The following OTUD7B variants were observed in gnomAD, a reference collection of about 807,000 sequenced individuals.
The protein encoded by OTUD7B is OTU deubiquitinase 7B.
OTUD7B carries 34 observed loss-of-function variants against 82.2 expected under a neutral mutation model. That is an observed-to-expected ratio of 0.41 (90% confidence interval 0.31 to 0.55). OTUD7B has a LOEUF of 0.55. Among genes scored for constraint, OTUD7B ranks in the 20% least tolerant of loss-of-function variants. The probability of loss-of-function intolerance (pLI) is 0.20; values close to 1 mark genes in which losing one functional copy is unlikely to be tolerated. For missense variants in OTUD7B, 944 were observed against 1,062.1 expected (o/e 0.89, Z 1.55); for synonymous variants, 398 against 402.7 (o/e 0.99, Z 0.14).
intron 3 of OTUD7B, among the ~76,000 whole-genome samples, chr1:149,969,313 G>A (rs1463456978): frequency 3.9e-5 from 6 of 152,098 alleles, no homozygotes; most frequent in Admixed American, 1.3e-4. Context: ...GACAGAGCAA[G>A]ACCCTGCCTC....
rs781899205 is a variant in OTUD7B at position 149,950,163 on chromosome 1, G to A, written c.904C>T (p.Leu302Phe). Residue 302 changes from leucine to phenylalanine, a missense_variant, in exon 8 of 12, where the codon CTT becomes TTT. By Grantham distance (22) the Leu-to-Phe change is conservative. Transcript: ENST00000581312. ...ATGGGCCTCCTAAGCACATGAGCAA[G>A]GACAAAGACGTGAAACTCTTCAAGG... ...ESLEEFHVFVLAHVLRRPIVV... is the reference protein window; with the variant it reads ...ESLEEFHVFVFAHVLRRPIVV... 2 of 1,614,142 alleles carry A rather than the reference G, an allele frequency of 1.2e-6. No individual in the cohort carries two copies. The highest frequency in any genetic ancestry group is 1.1e-5 in the South Asian group (1 of 91,084).
chr1:150,017,539 A>G, the OTUD7B span, among the ~76,000 whole-genome samples: 1 of 152,196 alleles, frequency 6.6e-6, no homozygotes, highest in Non-Finnish European at 1.5e-5. Flanking sequence ...CTTAATCTCC[A>G]CCTCACAGGT....
intron 7 of OTUD7B, among the ~76,000 whole-genome samples, chr1:149,955,776 C>T (rs1648623599): frequency 6.6e-6 from 1 of 151,872 alleles, no homozygotes; most frequent in Non-Finnish European, 1.5e-5. Context: ...TGAATTGATC[C>T]CTTTACCATT....
the OTUD7B span, among the ~76,000 whole-genome samples, chr1:150,029,619 T>C: frequency 6.6e-6 from 1 of 152,190 alleles, no homozygotes; most frequent in African/African-American, 2.4e-5. Flanking sequence ...CTGTCTCCAG[T>C]AGAGGTTGTT....
rs1553770968 is a variant in OTUD7B at position 149,943,596 on chromosome 1, C to T, written c.*261G>A. The T allele has an allele frequency of 4.6e-6, 2 of 438,486 alleles. No homozygotes were observed. Among genetic ancestry groups the T allele is most frequent in the Non-Finnish European group, 8.2e-6 (2 of 243,184 alleles). 27.2% of individuals were successfully genotyped at this position (438,486 alleles called of 1,614,324 possible). On this transcript the variant is annotated 3_prime_UTR_variant, in exon 12 of 12. Coordinates refer to ENST00000581312, the MANE Select transcript of OTUD7B (RefSeq NM_020205.4). The stretch of plus-strand genomic sequence containing the variant: ...GACCCAGGAGGTTATAAGACAGAAT[C>T]GCCATCTTTTCCCCTTGTACCTCAA...
the OTUD7B span, among the ~76,000 whole-genome samples, chr1:150,058,574 C>T: frequency 6.6e-6 from 1 of 152,082 alleles, no homozygotes. Context: ...AATAAAAATA[C>T]ATGATGTAAT....
At chr1:150,023,428 T>C in the OTUD7B span, among the ~76,000 whole-genome samples, 1 of 152,150 alleles carries the variant, frequency 6.6e-6, no homozygotes, top group Non-Finnish European at 1.5e-5. Flanking sequence ...GAAAATGTGG[T>C]ATATATACAC....
At position 149,939,892 on chromosome 1, in the gene OTUD7B, G is replaced by T. The variant is rs901878198; in HGVS notation, c.*3965C>A. On this transcript the variant is annotated 3_prime_UTR_variant, in exon 12 of 12. Transcript: ENST00000581312. ...TGGAGTGAGCCGAGATTGCACCACT[G>T]CACTCCAGCCTGGGCAGCTGAGCGA... 6.6e-5 allele frequency: 10 copies of T among 151,878 alleles called. No homozygotes were observed. Among genetic ancestry groups the T allele is most frequent in the African/African-American group, 2.4e-4 (10 of 41,358 alleles). 9.4% of individuals were successfully genotyped at this position (151,878 alleles called of 1,614,324 possible). A position where few individuals can be genotyped will look rare whatever the true frequency, so the allele number is the denominator to read the frequency against.
intron 1 of OTUD7B, among the ~76,000 whole-genome samples, chr1:149,980,422 T>C (rs1302495709): frequency 6.6e-6 from 1 of 151,988 alleles, no homozygotes; most frequent in Admixed American, 6.6e-5. Context: ...AAACCAATGA[T>C]TAAAACACAG....
the OTUD7B span, among the ~76,000 whole-genome samples, chr1:150,043,281 A>G: frequency 0.15 from 22,733 of 152,162 alleles, 1,870 homozygotes; most frequent in African/African-American, 0.18. Context: ...TACAGAGCAG[A>G]TCAACTAGGT....
chr1:149,948,143 C>G (rs782699874), intron 10 of OTUD7B, among the ~76,000 whole-genome samples: 1 of 151,652 alleles, frequency 6.6e-6, no homozygotes. Flanking sequence ...CCACGCCTGG[C>G]TAATTTTGTA....
chr1:149,977,552 C>T lies in OTUD7B; in HGVS notation c.-42G>A. 6.8e-7 allele frequency: 1 copy of T among 1,480,458 alleles called. No homozygotes were observed. The highest frequency in any genetic ancestry group is 9.5e-7 in the Non-Finnish European group (1 of 1,058,192). 91.7% of individuals were successfully genotyped at this position (1,480,458 alleles called of 1,614,324 possible). A position where few individuals can be genotyped will look rare whatever the true frequency, so the allele number is the denominator to read the frequency against. On this transcript the variant is annotated 5_prime_UTR_variant, in exon 2 of 12. An upstream start codon of the reference 5' UTR is lost. Transcript: ENST00000581312. ...TTCAGCCAGCTGGATGTAGGTAGAA[C>T]ATAGATCAAAATTCAGGCCTCCACC...
intron 7 of OTUD7B, among the ~76,000 whole-genome samples, chr1:149,950,809 T>C (rs1468353322): frequency 2.0e-5 from 3 of 146,662 alleles, no homozygotes; most frequent in South Asian, 2.2e-4. Flanking sequence ...CTTTTTTTTT[T>C]TTGAGATAGA....
In OTUD7B at chr1:149,992,483, T is replaced by TTTG. The variant is rs1651654727; in HGVS notation, c.-66-14908_-66-14907insCAA. Among the ~76,000 whole-genome samples, 9 of 1,594 alleles carry TTTG rather than the reference T, an allele frequency of 5.6e-3. No homozygotes were observed. The Non-Finnish European group carries it at 0.08, about 14-fold the overall frequency. The allele number at this position is 1,594 out of a possible 152,430, so 1.0% of individuals were successfully genotyped here. A position where few individuals can be genotyped will look rare whatever the true frequency, so the allele number is the denominator to read the frequency against. On this transcript the variant is annotated intron_variant, in intron 1 of 11. Coordinates refer to ENST00000581312, the MANE Select transcript of OTUD7B (RefSeq NM_020205.4). The stretch of plus-strand genomic sequence containing the variant: ...TGTGCATGTGTTTTTTTTTTTTTTT[T>TTTG]TTTTTTTTTTAGTACAGAGTCTCAC...
At chr1:150,014,058 A>ATATGTGTGTG (rs1318158374), upstream of OTUD7B, among the ~76,000 whole-genome samples, 1 of 87,498 alleles carries the variant, frequency 1.1e-5, no homozygotes, top group Non-Finnish European at 2.2e-5. Flanking sequence ...GTGTATATAT[A>ATATGTGTGTG]TGTGTGTGTG....
chr1:149,952,245 T>C (rs1285774789), intron 7 of OTUD7B, among the ~76,000 whole-genome samples: 1 of 126,216 alleles, frequency 7.9e-6, no homozygotes, highest in Non-Finnish European at 1.6e-5. Flanking sequence ...TTCCCCACCC[T>C]GTGTCCAAGT....
chr1:149,970,541 AC>A (rs1488706426), intron 3 of OTUD7B, among the ~76,000 whole-genome samples: 1 of 151,426 alleles, frequency 6.6e-6, no homozygotes, highest in Non-Finnish European at 1.5e-5. Context: ...CTGGTCTCGA[AC>A]TCCTGACCTC....
chr1:149,943,928 AG>A lies in OTUD7B; in HGVS notation c.2460del (p.Cys821ValfsTer7). The A allele has an allele frequency of 6.2e-7, 1 of 1,614,234 alleles. No homozygotes were observed. Among genetic ancestry groups the A allele is most frequent in the Non-Finnish European group, 8.5e-7 (1 of 1,180,038 alleles). Reference sequence around the variant, plus strand: ...CTCCTCAGTTCTTCCCTGTAACAACAGGAACAGAAGTTGTTTGTCTCAGGGT... The same window carrying A: ...CTCCTCAGTTCTTCCCTGTAACAACAGAACAGAAGTTGTTTGTCTCAGGGT... ...YGHPETNNFC[S>X]CCYREELRRR... is the part of the protein sequence containing the mutation. On this transcript the variant is annotated frameshift_variant, in exon 12 of 12. Coordinates refer to ENST00000581312, the MANE Select transcript of OTUD7B (RefSeq NM_020205.4). LOFTEE classifies it high-confidence loss of function.
At chr1:149,960,251 G>A (rs1248718707) in intron 6 of OTUD7B, among the ~76,000 whole-genome samples, 2 of 151,848 alleles carry the variant, frequency 1.3e-5, no homozygotes, top group Non-Finnish European at 2.9e-5. Context: ...AATACTAGTG[G>A]TGTGTCAATG....
Sources: allele counts gnomAD v4.1 joint callset (sites outside exome capture counted in the v4.1 genomes callset), GRCh38; gene constraint gnomAD v4.1.1; transcripts MANE v1.5; gene names NCBI Gene and HGNC (gene_info 2026-07-23, HGNC 2026-07-21).